Variants in LRRK1 observed in about 807,000 individuals in gnomAD.
LRRK1 encodes leucine-rich repeat serine/threonine-protein kinase 1.
A neutral mutation model predicts 209.1 loss-of-function variants in LRRK1; 113 were observed. That is an observed-to-expected ratio of 0.54 (90% CI 0.46 to 0.63). The LOEUF is 0.63. Among genes scored for constraint, LRRK1 ranks in the 30% least tolerant of loss-of-function variants. The probability of loss-of-function intolerance (pLI) is 0.00; values close to 1 mark genes in which losing one functional copy is unlikely to be tolerated. For missense variants in LRRK1, 2,284 were observed against 2,632.2 expected (o/e 0.87, Z 2.89); for synonymous variants, 1,144 against 1,099.7 (o/e 1.04, Z -0.80).
intron 2 of LRRK1, among the ~76,000 whole-genome samples, chr15:100,947,501 A>G (rs955474569): frequency 7.9e-5 from 12 of 152,196 alleles, no homozygotes; most frequent in East Asian, 1.9e-4. Flanking sequence ...TTTATTCTCA[A>G]TATTTTAACT....
At chr15:101,009,770 T>C in intron 7 of LRRK1, among the ~76,000 whole-genome samples, 2 of 152,116 alleles carry the variant, frequency 1.3e-5, no homozygotes, top group Middle Eastern at 3.4e-3. Context: ...GTATTTTTAG[T>C]AGAGACGGGG....
At chr15:100,928,682 A>G (rs1006624976) in intron 2 of LRRK1, among the ~76,000 whole-genome samples, 2 of 152,104 alleles carry the variant, frequency 1.3e-5, no homozygotes, top group Non-Finnish European at 2.9e-5. Context: ...TGTTGGGGTA[A>G]TGGTATTTTT....
Position 101,046,548 on chromosome 15 carries a change from C to T in LRRK1, c.3135+396C>T, listed in dbSNP as rs150492969. On this transcript the variant is annotated intron_variant, in intron 21 of 33. Coordinates refer to ENST00000388948, the MANE Select transcript of LRRK1 (RefSeq NM_024652.6). ...GGTGATGCCGCCGGCCCAGCAACCA[C>T]ACTTGGAGAACCGTGAAGTTAGAAG... Among the ~76,000 whole-genome samples, 729 of 152,340 alleles carry T rather than the reference C, an allele frequency of 4.8e-3. 5 individuals carry two copies. The highest frequency in any genetic ancestry group is 0.017 in the African/African-American group (699 of 41,572).
At chr15:101,064,278 T>G (rs2036388766) in intron 31 of LRRK1, 1 of 153,140 alleles carries the variant, frequency 6.5e-6, no homozygotes, top group African/African-American at 2.4e-5. Context: ...TCCATTGCCC[T>G]GCACAGCCAG....
At chr15:100,988,940 C>G (rs768274460) in intron 5 of LRRK1, 127 bp downstream of exon 5, 3 of 767,698 alleles carry the variant, frequency 3.9e-6, no homozygotes, top group Non-Finnish European at 6.2e-6. Context: ...TTTTGCAACT[C>G]CTGTTCTATG....
chr15:100,927,830 G>A lies in LRRK1; in HGVS notation c.97+3101G>A, dbSNP rs145532786. 5.9e-4 allele frequency among the ~76,000 whole-genome samples: 90 copies of A among 152,320 alleles called. 3 individuals carry two copies. The East Asian group carries it at 0.013, about 23-fold the overall frequency. On this transcript the variant is annotated intron_variant, in intron 2 of 33. Coordinates refer to ENST00000388948, the MANE Select transcript of LRRK1 (RefSeq NM_024652.6). ...GTGGTACCAGCAGAACTGAGCCTGT[G>A]AGCCCCAGCCCTGGAGCTCACTAAC...
chr15:101,030,546 G>A (rs1001198559), intron 20 of LRRK1, among the ~76,000 whole-genome samples: 6 of 152,100 alleles, frequency 3.9e-5, no homozygotes, highest in African/African-American at 1.2e-4. Context: ...CTCCTCTGCT[G>A]TGTGGTCCCA....
At chr15:101,012,406 C>T (rs888154605) in intron 10 of LRRK1, among the ~76,000 whole-genome samples, 1 of 152,192 alleles carries the variant, frequency 6.6e-6, no homozygotes. Flanking sequence ...ACGGCCTGCC[C>T]ATATATGAGG....
At chr15:100,946,606 C>G (rs1393311861) in intron 2 of LRRK1, among the ~76,000 whole-genome samples, 1 of 152,226 alleles carries the variant, frequency 6.6e-6, no homozygotes, top group African/African-American at 2.4e-5. Context: ...CTCAGCTATA[C>G]AGGCAGTCTC....
intron 21 of LRRK1, 105 bp downstream of exon 21, chr15:101,046,257 C>A: frequency 8.0e-7 from 1 of 1,254,610 alleles, no homozygotes; most frequent in Non-Finnish European, 1.1e-6. Flanking sequence ...GCCTGGAGAC[C>A]CTTCTCCTAG....
chr15:100,956,810 C>G (rs528485903), intron 2 of LRRK1, among the ~76,000 whole-genome samples: 1 of 152,218 alleles, frequency 6.6e-6, no homozygotes, highest in South Asian at 2.1e-4. Context: ...TATTTCTGCT[C>G]TAATACTTAT....
At chr15:101,061,433 A>C in intron 30 of LRRK1, 145 bp downstream of exon 30, 1 of 613,294 alleles carries the variant, frequency 1.6e-6, no homozygotes, top group Non-Finnish European at 2.9e-6. Context: ...TGCAGTCCCC[A>C]AGTAATGCCA....
At chr15:100,972,938 C>CA (rs1555462750) in intron 2 of LRRK1, among the ~76,000 whole-genome samples, 1 of 57,142 alleles carries the variant, frequency 1.8e-5, no homozygotes, top group African/African-American at 5.9e-5. Flanking sequence ...ACACACACAC[C>CA]CAGTTTTGTG....
intron 30 of LRRK1, among the ~76,000 whole-genome samples, chr15:101,062,217 T>A (rs1379317053): frequency 6.6e-6 from 1 of 152,182 alleles, no homozygotes; most frequent in Non-Finnish European, 1.5e-5. Flanking sequence ...CTGTCTCACA[T>A]GGGAAGAACA....
intron 3 of LRRK1, among the ~76,000 whole-genome samples, 178 bp from the exon 4 acceptor site, chr15:100,983,350 C>T (rs1390770070): frequency 1.3e-5 from 2 of 152,250 alleles, no homozygotes; most frequent in Non-Finnish European, 2.9e-5. Flanking sequence ...ATACTCTCCA[C>T]CTCTCACTTC....
intron 3 of LRRK1, among the ~76,000 whole-genome samples, chr15:100,976,260 T>C (rs9635429): frequency 0.52 from 78,375 of 151,854 alleles, 21,179 homozygotes; most frequent in South Asian, 0.63. Context: ...GTCCAGAAAA[T>C]AGAAAAAGAG....
intron 2 of LRRK1, among the ~76,000 whole-genome samples, chr15:100,926,680 C>CTTTTTTTTTTTTTTTTTTTTTTT (rs71151990): frequency 1.5e-4 from 12 of 81,842 alleles, no homozygotes; most frequent in East Asian, 8.1e-4. Context: ...TTCTTTTTTT[C>CTTTTTTTTTTTTTTTTTTTTTTT]TTTTTTTTTT....
intron 12 of LRRK1, among the ~76,000 whole-genome samples, chr15:101,016,743 G>T (rs9806408): frequency 0.71 from 108,239 of 152,026 alleles, 40,063 homozygotes; most frequent in Middle Eastern, 0.88. Context: ...TTCAGCCCTG[G>T]ACCAGCAGCT....
chr15:100,937,716 T>C (rs1456348418), intron 2 of LRRK1, among the ~76,000 whole-genome samples: 3 of 151,810 alleles, frequency 2.0e-5, no homozygotes, highest in Non-Finnish European at 4.4e-5. Context: ...TTTGTATTTT[T>C]AGTAGAGACG....
Sources: gnomAD v4.1 joint callset for allele counts (sites outside exome capture counted in the v4.1 genomes callset) on GRCh38, gnomAD v4.1.1 for gene constraint, MANE v1.5 for transcripts, NCBI Gene and HGNC (gene_info 2026-07-23, HGNC 2026-07-21) for gene names.